KCNT1: variants seen among roughly 807,000 people sequenced by gnomAD.
The protein encoded by KCNT1 is potassium channel subfamily T member 1.
Under a neutral mutation model 147.8 loss-of-function variants are expected in KCNT1, and 78 were observed. The ratio of observed to expected loss-of-function variants is 0.53; its 90% CI spans 0.44 to 0.64. The LOEUF (loss-of-function observed/expected upper bound fraction) is 0.64. KCNT1 is among the 30% of genes least tolerant of loss of function. The pLI is 0.00. For synonymous variants in KCNT1, 867 were observed against 748.8 expected (o/e 1.16, Z -2.58); for missense variants, 1,419 against 1,750.3 (o/e 0.81, Z 3.38).
At chr9:135,747,640 G>C (rs1444742216) in intron 2 of KCNT1, among the ~76,000 whole-genome samples, 1 of 152,190 alleles carries the variant, frequency 6.6e-6, no homozygotes, top group African/African-American at 2.4e-5. Flanking sequence ...CAGGCACACA[G>C]AGGAGAGGCG....
At position 135,720,711 on chromosome 9, in the gene KCNT1, G is replaced by A. The variant is rs1019881708; in HGVS notation, c.254+5991G>A. Among the ~76,000 whole-genome samples the A allele has an allele frequency of 5.9e-5, 9 of 152,330 alleles. No homozygotes were observed. The East Asian group carries it at 1.7e-3, about 30-fold the overall frequency. On this transcript the variant is annotated intron_variant, in intron 2 of 30. Coordinates refer to ENST00000371757, the MANE Select transcript of KCNT1 (RefSeq NM_020822.3). Reference sequence around the variant, plus strand: ...AGGCCACTCTGGGACCCTGAGCTGAGAAGGCCCGGGAGCCAGCCCCAGCTC... The same window carrying A: ...AGGCCACTCTGGGACCCTGAGCTGAAAAGGCCCGGGAGCCAGCCCCAGCTC...
chr9:135,773,364 G>T (rs1444708464), intron 19 of KCNT1, among the ~76,000 whole-genome samples: 1 of 152,190 alleles, frequency 6.6e-6, no homozygotes, highest in African/African-American at 2.4e-5. Flanking sequence ...GAGCTGGGCA[G>T]TGACCCCAGG....
Position 135,758,387 on chromosome 9 carries a change from C to G in KCNT1, c.760-27C>G, listed in dbSNP as rs781406476. ...CCTGGCGGGGTCCACAGTCCCTGCC[C>G]GCTGACAGCCACCACTCCTTCCACA... On this transcript the variant is annotated intron_variant, in intron 9 of 30. Transcript: ENST00000371757. The G allele has an allele frequency of 1.0e-5, 16 of 1,578,636 alleles. 1 individual carries two copies. In the South Asian group the frequency reaches 1.8e-4, roughly 17 times the overall value.
Position 135,762,891 on chromosome 9 carries a change from C to A in KCNT1, c.1036-2140C>A, listed in dbSNP as rs578022391. On this transcript the variant is annotated intron_variant, in intron 11 of 30. Transcript: ENST00000371757. ...AACTGATTGCATCGATGGGTATGGC[C>A]ATGGTGACAAGTGACCGACAGCCCA... Among the ~76,000 whole-genome samples, 53 of 152,350 alleles carry A rather than the reference C, an allele frequency of 3.5e-4. 1 individual carries two copies. The South Asian group carries it at 0.011, about 31-fold the overall frequency.
At chr9:135,788,146 C>A in intron 29 of KCNT1, 1 of 1,612,870 alleles carries the variant, frequency 6.2e-7, no homozygotes, top group Non-Finnish European at 8.5e-7. Flanking sequence ...ATCGGGTAAA[C>A]CTGGGATATT....
chr9:135,781,745 C>T (rs990946430), intron 24 of KCNT1, among the ~76,000 whole-genome samples: 4 of 152,054 alleles, frequency 2.6e-5, no homozygotes, highest in Non-Finnish European at 5.9e-5. Flanking sequence ...GGCACGACTC[C>T]GGAAGGAAAA....
In KCNT1 at chr9:135,777,385, G is replaced by T. The variant is rs1393309772; in HGVS notation, c.2397G>T (p.Lys799Asn). ...SYEDAKAYGF[K>N]NKLIIVSAET... ...AAGACGCCAAGGCCTACGGGTTCAA[G>T]AACAAGCTGATCATCGTCTCGGCAG... is the stretch of plus-strand genomic sequence containing the variant. Residue 799 changes from lysine (K) to asparagine (N), a missense_variant, in exon 21 of 31, where the codon AAG (lysine) becomes AAT (asparagine). Physicochemically the swap from Lys to Asn is moderately conservative, Grantham distance 94. Coordinates refer to ENST00000371757, the MANE Select transcript of KCNT1 (RefSeq NM_020822.3). The T allele has an allele frequency of 6.2e-7, 1 of 1,614,002 alleles. No individual in the cohort carries two copies. Among genetic ancestry groups the T allele is most frequent in the South Asian group, 1.1e-5 (1 of 91,090 alleles).
Position 135,771,074 on chromosome 9 carries a change from C to T in KCNT1, c.1987C>T (p.His663Tyr). Reference sequence around the variant, plus strand: ...CGAGGGTCCGGCCCGCCTGCCCGTGCACAGCATCATCGCCTCCATGGGTGA... The same window carrying T: ...CGAGGGTCCGGCCCGCCTGCCCGTGTACAGCATCATCGCCTCCATGGGTGA... ...LHEGPARLPV[H>Y]SIIASMGTVA... The change falls in exon 18 of 31, where the codon CAC becomes TAC. Residue 663 changes from histidine to tyrosine, a missense_variant. His to Tyr is a moderately conservative substitution (Grantham distance 83). Transcript: ENST00000371757. 6.2e-7 allele frequency: 1 copy of T among 1,611,676 alleles called. No homozygotes were observed.
chr9:135,775,127 C>T (rs991935187), intron 19 of KCNT1, among the ~76,000 whole-genome samples, 183 bp from the exon 20 acceptor site: 2 of 152,204 alleles, frequency 1.3e-5, no homozygotes, highest in Non-Finnish European at 1.5e-5. Context: ...GCTGGAGGAG[C>T]GTTTGCTGAT....
intron 11 of KCNT1, among the ~76,000 whole-genome samples, chr9:135,763,948 A>C (rs1768109253): frequency 6.6e-6 from 1 of 152,084 alleles, no homozygotes; most frequent in Non-Finnish European, 1.5e-5. Flanking sequence ...CCCCGCCAGC[A>C]CCATCCGCGG....
chr9:135,777,394 GATC>G lies in KCNT1; in HGVS notation c.2410_2412del (p.Ile804del). On this transcript the variant is annotated inframe_deletion, in exon 21 of 31. Coordinates refer to ENST00000371757, the MANE Select transcript of KCNT1 (RefSeq NM_020822.3). ...AGGCCTACGGGTTCAAGAACAAGCT[GATC>G]ATCGTCTCGGCAGAGACGGCCGGCA... 6.2e-7 allele frequency: 1 copy of G among 1,614,122 alleles called. No individual in the cohort carries two copies. The highest frequency in any genetic ancestry group is 8.5e-7 in the Non-Finnish European group (1 of 1,179,988).
intron 2 of KCNT1, among the ~76,000 whole-genome samples, chr9:135,726,701 C>G (rs556116499): frequency 1.3e-4 from 20 of 151,240 alleles, no homozygotes; most frequent in African/African-American, 4.9e-4. Context: ...CTCTACCTCT[C>G]TCCCTCCCTC....
Position 135,772,701 on chromosome 9 carries a change from G to C in KCNT1, c.2009-14G>C. On this transcript the variant is annotated splice_polypyrimidine_tract_variant and intron_variant, in intron 18 of 30. Coordinates refer to ENST00000371757, the MANE Select transcript of KCNT1 (RefSeq NM_020822.3). ...GGGAGTCGGGCTGTGGCCAAGCACA[G>C]GGCTCTCTTCCAGGGACAGTGGCCA... is the stretch of plus-strand genomic sequence containing the variant. 1 of 1,367,802 alleles carries C rather than the reference G, an allele frequency of 7.3e-7. No individual in the cohort carries two copies. Among genetic ancestry groups the C allele is most frequent in the Non-Finnish European group, 9.5e-7 (1 of 1,055,330 alleles). 84.7% of individuals were successfully genotyped at this position (1,367,802 alleles called of 1,614,324 possible). A position where few individuals can be genotyped will look rare whatever the true frequency, so the allele number is the denominator to read the frequency against.
rs1395075330 is a variant in KCNT1, at chr9:135,755,155, C to G, written c.526C>G (p.Leu176Val). The G allele has an allele frequency of 6.2e-7, 1 of 1,612,194 alleles. No individual in the cohort carries two copies. The highest frequency in any genetic ancestry group is 2.2e-5 in the East Asian group (1 of 44,782). Residue 176 changes from leucine (L) to valine (V), a missense_variant, in exon 6 of 31, where the codon CTG becomes GTG. By Grantham distance (32) the Leu-to-Val change is conservative. This residue lies in a region of KCNT1 where 401 missense variants were observed against 610.6 expected (regional missense o/e 0.66). Transcript: ENST00000371757. ...TCTGTGGGTGGAGAGAAAGATGACA[C>G]TGTGGGCGATCCAGGTGAGTGCCCT... ...PILWVERKMT[L>V]WAIQVIVAII...
chr9:135,739,842 G>A (rs928531190), intron 2 of KCNT1, among the ~76,000 whole-genome samples: 5 of 152,226 alleles, frequency 3.3e-5, no homozygotes, highest in Admixed American at 2.6e-4. Flanking sequence ...AGCGTGCACA[G>A]GGAGTGCCCA....
At chr9:135,770,189 AG>A in intron 16 of KCNT1, 108 bp from the exon 17 acceptor site, 1 of 1,416,944 alleles carries the variant, frequency 7.1e-7, no homozygotes, top group Non-Finnish European at 9.6e-7. Context: ...CTGCATAGGG[AG>A]GGGATCCATG....
intron 28 of KCNT1, 98 bp downstream of exon 28, chr9:135,785,428 C>T: frequency 1.4e-6 from 2 of 1,434,326 alleles, no homozygotes; most frequent in Non-Finnish European, 1.9e-6. Flanking sequence ...CCCACCCACC[C>T]ACAGGGCCCT....
intron 1 of KCNT1, among the ~76,000 whole-genome samples, chr9:135,710,248 T>A (rs1428660705): frequency 6.6e-6 from 1 of 152,224 alleles, no homozygotes; most frequent in Non-Finnish European, 1.5e-5. Context: ...TTTCTTTCCA[T>A]CTTGTCCTTG....
At position 135,731,058 on chromosome 9, in the gene KCNT1, G is replaced by GCAGGAA. The variant is rs931273718; in HGVS notation, c.254+16339_254+16344dup. ...TTTGTGGTCATTTGTAACCACAGCA[G>GCAGGAA]CAGGAAGCCCACACGCCATGTTTGA... On this transcript the variant is annotated intron_variant, in intron 2 of 30. Coordinates refer to ENST00000371757, the MANE Select transcript of KCNT1 (RefSeq NM_020822.3). 1.4e-4 allele frequency among the ~76,000 whole-genome samples: 21 copies of GCAGGAA among 149,748 alleles called. No homozygotes were observed. The Middle Eastern group carries it at 0.014, about 103-fold the overall frequency.
Sources: gnomAD v4.1 joint callset for allele counts (sites outside exome capture counted in the v4.1 genomes callset) on GRCh38, gnomAD v4.1.1 for gene constraint, gnomAD v4.1.1 regional missense constraint, MANE v1.5 for transcripts, NCBI Gene and HGNC (gene_info 2026-07-23, HGNC 2026-07-21) for gene names.